The following MZT2A variants were observed in gnomAD, a reference collection of about 807,000 sequenced individuals.
MZT2A encodes the protein mitotic-spindle organizing protein 2A.
MZT2A carries 8 observed loss-of-function variants against 12.4 expected under a neutral mutation model. The observed-to-expected ratio is 0.64, with a 90% CI of 0.38 to 1.16. The LOEUF is 1.16. Ranked by LOEUF, MZT2A falls within the 50% of genes most tolerant of loss-of-function variation. The probability of loss-of-function intolerance (pLI) is 0.01; values close to 1 mark genes in which losing one functional copy is unlikely to be tolerated. For synonymous variants in MZT2A, 88 were observed against 107.5 expected, an observed-to-expected ratio of 0.82 and a Z score of 1.12; for missense variants, 181 against 223.6, an observed-to-expected ratio of 0.81 and a Z score of 1.22.
intron 2 of MZT2A, chr2:131,490,882 A>G (rs1679267129): frequency 1.3e-6 from 2 of 1,549,840 alleles, no homozygotes; most frequent in South Asian, 2.4e-5. Flanking sequence ...TGGCAGAGAG[A>G]AAGGAGGCCT....
downstream of MZT2A, among the ~76,000 whole-genome samples, chr2:131,482,025 C>T (rs1457795798): frequency 6.6e-6 from 1 of 152,248 alleles, no homozygotes; most frequent in Non-Finnish European, 1.5e-5. Context: ...TAGGCAGGCA[C>T]ATGGACCACT....
upstream of MZT2A, chr2:131,493,029 TC>T (rs987261199): frequency 4.6e-5 from 68 of 1,484,922 alleles, no homozygotes; most frequent in Non-Finnish European, 5.5e-5. Flanking sequence ...GAAGCGCTTT[TC>T]CCGCCCGGCC....
intron 2 of MZT2A, chr2:131,490,727 A>T (rs1335526964): frequency 9.0e-6 from 14 of 1,549,246 alleles, no homozygotes; most frequent in Non-Finnish European, 1.1e-5. Context: ...AAAAGGAGAG[A>T]ACAGGCAGCA....
Position 131,485,760 on chromosome 2 carries a change from A to T in MZT2A, c.320-1542T>A, listed in dbSNP as rs2622051. On this transcript the variant is annotated intron_variant, in intron 2 of 2. Transcript: ENST00000309451. Reference sequence around the variant, plus strand: ...TCAAGTGTAGTCAAATACCCTGCAAAGGGAAACTGGATTCCTGGAGAAAAG... The same window carrying T: ...TCAAGTGTAGTCAAATACCCTGCAATGGGAAACTGGATTCCTGGAGAAAAG... Among the ~76,000 whole-genome samples, 41 of 152,018 alleles carry T rather than the reference A, an allele frequency of 2.7e-4. 1 individual carries two copies. The highest frequency in any genetic ancestry group is 4.8e-4 in the African/African-American group (20 of 41,404).
chr2:131,491,212 T>C (rs1679284248), intron 2 of MZT2A: 1 of 433,920 alleles, frequency 2.3e-6, no homozygotes, highest in Non-Finnish European at 4.3e-6. Context: ...ACACTCTCAG[T>C]CCCAGCATCT....
At chr2:131,488,206 C>T (rs1679132478) in intron 2 of MZT2A, among the ~76,000 whole-genome samples, 1 of 152,210 alleles carries the variant, frequency 6.6e-6, no homozygotes, top group Non-Finnish European at 1.5e-5. Flanking sequence ...CACGCATGCT[C>T]TGGACAACTT....
chr2:131,489,191 CCTTT>C, intron 2 of MZT2A, among the ~76,000 whole-genome samples: 1 of 148,442 alleles, frequency 6.7e-6, no homozygotes, highest in Admixed American at 6.6e-5. Flanking sequence ...TTTTTCTTTT[CCTTT>C]CTTTTCTTTT....
At position 131,485,804 on chromosome 2, in the gene MZT2A, G is replaced by A. The variant is rs2622050; in HGVS notation, c.320-1586C>T. Among the ~76,000 whole-genome samples the A allele has an allele frequency of 1.3e-4, 20 of 151,802 alleles. No homozygotes were observed. In the South Asian group the frequency reaches 2.9e-3, roughly 22 times the overall value. ...AGAAAAGATGCAACCGGGTGTCTAG[G>A]GACCCATTAGGTCATTTGTTTCACC... On this transcript the variant is annotated intron_variant, in intron 2 of 2. Coordinates refer to ENST00000309451, the MANE Select transcript of MZT2A (RefSeq NM_001085365.2).
intron 2 of MZT2A, chr2:131,478,648 G>A (rs1472095145): frequency 8.9e-6 from 6 of 674,828 alleles, no homozygotes; most frequent in Non-Finnish European, 1.2e-5. Context: ...CCTCGTGCGT[G>A]CCTCAGCCCT....
intron 2 of MZT2A, chr2:131,489,976 C>T (rs10171879): frequency 0.19 from 182,161 of 964,002 alleles, 20,664 homozygotes; most frequent in East Asian, 0.75. Flanking sequence ...TTCCCAGTTT[C>T]TCCCTCCTGC....
intron 2 of MZT2A, chr2:131,490,847 G>C: frequency 6.5e-7 from 1 of 1,550,062 alleles, no homozygotes; most frequent in Non-Finnish European, 8.7e-7. Context: ...GGAAAACGAG[G>C]GCCTTGCAGG....
chr2:131,491,082 A>G lies in MZT2A; in HGVS notation c.319+794T>C, dbSNP rs986251673. The G allele has an allele frequency of 8.8e-6, 8 of 908,612 alleles. No homozygotes were observed. The African/African-American group carries it at 1.2e-4, about 13-fold the overall frequency. The allele number at this position is 908,612 out of a possible 1,614,324, so 56.3% of individuals were successfully genotyped here. A position where few individuals can be genotyped will look rare whatever the true frequency, so the allele number is the denominator to read the frequency against. ...TGAGGGTCTCCTCCTGCTTCCAGGC[A>G]GGGAGCCAGCTCTGGGCCTCCTTCC... On this transcript the variant is annotated intron_variant, in intron 2 of 2. Coordinates refer to ENST00000309451, the MANE Select transcript of MZT2A (RefSeq NM_001085365.2).
chr2:131,490,564 A>T (rs1679250763), intron 2 of MZT2A: 1 of 1,513,232 alleles, frequency 6.6e-7, no homozygotes, highest in South Asian at 1.3e-5. Flanking sequence ...CGAGTCAGAA[A>T]TAGTGCCCTG....
Position 131,476,104 on chromosome 2 carries a change from G to A in MZT2A, c.279-3922C>T, listed in dbSNP as rs868612149. 6.8e-5 allele frequency: 107 copies of A among 1,583,652 alleles called. 1 individual carries two copies. In the Middle Eastern group the frequency reaches 4.9e-3, roughly 72 times the overall value. On this transcript the variant is annotated intron_variant and NMD_transcript_variant, in intron 2 of 4. Transcript: ENST00000427024. ...GGCACCGGCGGGCCAATCCCGTGCG[G>A]CGCGCACAGGCAGGAGGTTGCAGTT...
intron 2 of MZT2A, among the ~76,000 whole-genome samples, chr2:131,475,607 G>A (rs888569608): frequency 4.1e-4 from 63 of 152,094 alleles, no homozygotes; most frequent in East Asian, 7.7e-4. Flanking sequence ...CTGGGATTGC[G>A]GGCGTTAGCC....
intron 2 of MZT2A, chr2:131,478,882 C>T: frequency 9.6e-6 from 2 of 208,514 alleles, no homozygotes; most frequent in Non-Finnish European, 1.9e-5. Flanking sequence ...GACAGCATCA[C>T]CTGAAAGCCT....
rs1300320022 is a variant in MZT2A at position 131,490,520 on chromosome 2, G to T, written c.319+1356C>A. 4.1e-6 allele frequency: 6 copies of T among 1,455,982 alleles called. No homozygotes were observed. The Admixed American group carries it at 9.6e-5, about 23-fold the overall frequency. The allele number at this position is 1,455,982 out of a possible 1,614,324, so 90.2% of individuals were successfully genotyped here. A position where few individuals can be genotyped will look rare whatever the true frequency, so the allele number is the denominator to read the frequency against. On this transcript the variant is annotated intron_variant, in intron 2 of 2. Transcript: ENST00000309451. ...CCCCGGATGCCAGCCCGACTGTGGG[G>T]TCTAGAGACTGCCACACCATGTCTC...
chr2:131,480,659 C>T (rs755153413), downstream of MZT2A: 25 of 1,613,724 alleles, frequency 1.5e-5, no homozygotes, highest in South Asian at 1.4e-4. Context: ...ACAGGGGGGA[C>T]GTGGTCCCCA....
chr2:131,480,421 G>A (rs752428849), downstream of MZT2A: 18 of 1,588,352 alleles, frequency 1.1e-5, no homozygotes, highest in East Asian at 2.7e-4. Flanking sequence ...GCCTCCCTGC[G>A]ATTTGATGGG....
Sources: gnomAD v4.1 joint callset for allele counts (sites outside exome capture counted in the v4.1 genomes callset) on GRCh38, gnomAD v4.1.1 for gene constraint, MANE v1.5 for transcripts, NCBI Gene and HGNC (gene_info 2026-07-23, HGNC 2026-07-21) for gene names.